ITIH2: variants seen among roughly 807,000 people sequenced by gnomAD.
ITIH2 encodes inter-alpha-trypsin inhibitor heavy chain H2.
A neutral mutation model predicts 104.4 loss-of-function variants in ITIH2; 103 were observed. The observed-to-expected ratio is 0.99, with a 90% confidence interval of 0.84 to 1.16. The LOEUF (loss-of-function observed/expected upper bound fraction) is 1.16. Among genes scored for constraint, ITIH2 ranks in the 50% most tolerant of loss-of-function variants. The probability of loss-of-function intolerance (pLI) is 0.00; values close to 1 mark genes in which losing one functional copy is unlikely to be tolerated. For synonymous variants in ITIH2, 436 were observed against 435.4 expected, an observed-to-expected ratio of 1.00 and a Z score of -0.02; for missense variants, 1,108 against 1,162.4, an observed-to-expected ratio of 0.95 and a Z score of 0.68.
In ITIH2 at chr10:7,735,029, A is replaced by T; in HGVS notation, c.1895A>T (p.Asn632Ile). Residue 632 changes from asparagine to isoleucine, a missense_variant, in exon 15 of 21, where the codon AAC (asparagine) becomes ATC (isoleucine). Physicochemically the swap from Asn to Ile is moderately radical, Grantham distance 149. Transcript: ENST00000358415. Reference protein sequence around the residue: ...VTPLTSLVIENEAGDERMLAD... With the variant: ...VTPLTSLVIEIEAGDERMLAD... ...CCGCTGACCTCGCTGGTGATCGAGAACGAGGCTGGGGATGAGCGCATGCTG... is the reference window on the plus strand; with the variant it reads ...CCGCTGACCTCGCTGGTGATCGAGATCGAGGCTGGGGATGAGCGCATGCTG... 2 of 1,613,584 alleles carry T rather than the reference A, an allele frequency of 1.2e-6. No individual in the cohort carries two copies. Among genetic ancestry groups the T allele is most frequent in the Non-Finnish European group, 1.7e-6 (2 of 1,180,032 alleles).
chr10:7,717,824 TC>T (rs1564300152), intron 6 of ITIH2, 36 bp downstream of exon 6: 1 of 1,581,842 alleles, frequency 6.3e-7, no homozygotes, highest in Admixed American at 1.7e-5. Flanking sequence ...AGTGACACTG[TC>T]CTTTTATAGT....
intron 1 of ITIH2, 37 bp from the exon 2 acceptor site, chr10:7,705,071 T>TAAA: frequency 4.6e-6 from 5 of 1,092,542 alleles, no homozygotes; most frequent in Non-Finnish European, 6.4e-6. Context: ...ACAGTATAAT[T>TAAA]AAAAAAAAAA....
chr10:7,734,886 G>T, intron 14 of ITIH2, 36 bp from the exon 15 acceptor site: 1 of 1,572,992 alleles, frequency 6.4e-7, no homozygotes, highest in Non-Finnish European at 8.6e-7. Flanking sequence ...CTCCAATGCA[G>T]CCATGCTCCA....
intron 3 of ITIH2, among the ~76,000 whole-genome samples, chr10:7,708,209 G>A (rs560460354): frequency 3.3e-5 from 5 of 152,314 alleles, no homozygotes; most frequent in African/African-American, 1.2e-4. Context: ...AATTCTTTTG[G>A]AGAAAAAAGC....
intron 6 of ITIH2, 114 bp from the exon 7 acceptor site, chr10:7,720,742 C>T (rs1468688467): frequency 3.1e-6 from 2 of 645,202 alleles, no homozygotes; most frequent in Non-Finnish European, 5.6e-6. Flanking sequence ...GAGTCGTGCC[C>T]GGGAAACCTG....
At chr10:7,709,377 C>T (rs1266725301) in intron 4 of ITIH2, among the ~76,000 whole-genome samples, 186 bp downstream of exon 4, 2 of 152,128 alleles carry the variant, frequency 1.3e-5, no homozygotes, top group Non-Finnish European at 2.9e-5. Flanking sequence ...GAATTATTTG[C>T]TTTTTGTTTC....
At chr10:7,730,518 TTTC>T (rs1490846931) in intron 12 of ITIH2, among the ~76,000 whole-genome samples, 1 of 152,158 alleles carries the variant, frequency 6.6e-6, no homozygotes, top group Non-Finnish European at 1.5e-5. Flanking sequence ...CAGTGTAAAT[TTTC>T]TTAAGTATTA....
rs1564308527 is a variant in ITIH2 at position 7,746,067 on chromosome 10, T to TAAAAAA, written c.2582-526_2582-525insAAAAAA. On this transcript the variant is annotated intron_variant, in intron 19 of 20. Coordinates refer to ENST00000358415, the MANE Select transcript of ITIH2 (RefSeq NM_002216.3). ...CCACACCCGGCCCCAAATCTTAAAT[T>TAAAAAA]TAAAAAAAAAAAAAAAAAAAAAAAA... Among the ~76,000 whole-genome samples, 15 of 51,090 alleles carry TAAAAAA rather than the reference T, an allele frequency of 2.9e-4. 2 individuals carry two copies. Among genetic ancestry groups the TAAAAAA allele is most frequent in the African/African-American group, 1.4e-3 (15 of 10,966 alleles). The allele number at this position is 51,090 out of a possible 152,430, so 33.5% of individuals were successfully genotyped here.
chr10:7,724,696 T>A (rs1834936742), intron 9 of ITIH2, among the ~76,000 whole-genome samples: 1 of 151,838 alleles, frequency 6.6e-6, no homozygotes, highest in Admixed American at 6.6e-5. Context: ...GCAGTGGGAC[T>A]ATTGATATTT....
chr10:7,746,767 A>G (rs1422658170), intron 20 of ITIH2, 63 bp downstream of exon 20: 1 of 971,404 alleles, frequency 1.0e-6, no homozygotes, highest in East Asian at 2.5e-5. Context: ...CCCACACAGC[A>G]AAATAGAGGA....
chr10:7,724,581 A>AAAAAAAAAAAAAAG, intron 9 of ITIH2, among the ~76,000 whole-genome samples: 1 of 148,916 alleles, frequency 6.7e-6, no homozygotes, highest in African/African-American at 2.5e-5. Flanking sequence ...AAAAAAAAAA[A>AAAAAAAAAAAAAAG]AAAAAAGAAG....
At chr10:7,739,334 G>T (rs1262777819) in intron 16 of ITIH2, among the ~76,000 whole-genome samples, 1 of 152,102 alleles carries the variant, frequency 6.6e-6, no homozygotes, top group Non-Finnish European at 1.5e-5. Flanking sequence ...CTTTTGATTA[G>T]AAAAAAGTAA....
At chr10:7,703,860 T>C (rs1024918878) in intron 1 of ITIH2, among the ~76,000 whole-genome samples, 1 of 152,208 alleles carries the variant, frequency 6.6e-6, no homozygotes, top group South Asian at 2.1e-4. Context: ...TAAACTCTTC[T>C]AGCAGAGCGC....
chr10:7,709,768 T>C (rs1179941099), intron 4 of ITIH2, among the ~76,000 whole-genome samples: 1 of 152,226 alleles, frequency 6.6e-6, no homozygotes, highest in Non-Finnish European at 1.5e-5. Flanking sequence ...CCAATGACTC[T>C]AGTGATAATC....
At chr10:7,720,476 G>A (rs1834891644) in intron 6 of ITIH2, among the ~76,000 whole-genome samples, 4 of 152,172 alleles carry the variant, frequency 2.6e-5, no homozygotes, top group Admixed American at 2.6e-4. Flanking sequence ...GGGGAAAATG[G>A]TCTACTTTTG....
rs141636649 is a variant in ITIH2, at chr10:7,744,323, C to T, written c.2408+43C>T. 16,702 of 1,433,760 alleles carry T rather than the reference C, an allele frequency of 0.012. 1,058 individuals are homozygous for T. In the Admixed American group the frequency reaches 0.17, roughly 14 times the overall value. 88.8% of individuals were successfully genotyped at this position (1,433,760 alleles called of 1,614,324 possible). On this transcript the variant is annotated intron_variant, in intron 18 of 20. Transcript: ENST00000358415. The stretch of plus-strand genomic sequence containing the variant: ...TGAACTTGGGCCTGTCCGTGACACA[C>T]GACTGCATAAATAAATCCAGGCATC...
rs543815380 is a variant in ITIH2 at position 7,737,610 on chromosome 10, G to C, written c.1958-1011G>C. Among the ~76,000 whole-genome samples the C allele has an allele frequency of 2.0e-3, 227 of 114,516 alleles. 6 individuals carry two copies. The highest frequency in any genetic ancestry group is 8.2e-3 in the African/African-American group (216 of 26,312). The allele number at this position is 114,516 out of a possible 152,430, so 75.1% of individuals were successfully genotyped here. ...TCTATATTATATTCTATATTCTATA[G>C]AATATTCTATATTATATTCTATATT... On this transcript the variant is annotated intron_variant, in intron 15 of 20. Transcript: ENST00000358415.
chr10:7,747,577 T>C (rs1564308989), intron 20 of ITIH2, among the ~76,000 whole-genome samples: 1 of 152,114 alleles, frequency 6.6e-6, no homozygotes, highest in African/African-American at 2.4e-5. Context: ...AATAGTAAGT[T>C]ATCTGAAGTT....
At chr10:7,705,941 T>C in intron 2 of ITIH2, among the ~76,000 whole-genome samples, 1 of 152,056 alleles carries the variant, frequency 6.6e-6, no homozygotes, top group Non-Finnish European at 1.5e-5. Flanking sequence ...AGCAGCAGTA[T>C]AGACAAAACC....
Sources: allele counts gnomAD v4.1 joint callset (sites outside exome capture counted in the v4.1 genomes callset), GRCh38; gene constraint gnomAD v4.1.1; transcripts MANE v1.5; gene names NCBI Gene and HGNC (gene_info 2026-07-23, HGNC 2026-07-21).